Variants in PPP1R37 observed in about 807,000 individuals in gnomAD.
PPP1R37 encodes the protein leucine rich repeat containing 68.
PPP1R37 carries 21 observed loss-of-function variants against 61.0 expected under a neutral mutation model. The ratio of observed to expected loss-of-function variants is 0.34; its 90% CI spans 0.24 to 0.50. The LOEUF (loss-of-function observed/expected upper bound fraction) is 0.50. Among genes scored for constraint, PPP1R37 ranks in the 20% least tolerant of loss-of-function variants. The pLI, the probability that PPP1R37 is intolerant of heterozygous loss-of-function variation, is 0.98. For synonymous variants in PPP1R37, 443 were observed against 433.5 expected (o/e 1.02, Z -0.27); for missense variants, 910 against 952.7 (o/e 0.96, Z 0.59).
intron 1 of PPP1R37, among the ~76,000 whole-genome samples, chr19:45,134,465 TC>T (rs1284941418): frequency 6.6e-6 from 1 of 152,196 alleles, no homozygotes; most frequent in Non-Finnish European, 1.5e-5. Flanking sequence ...CTTTCTTTTT[TC>T]TTATTAATAG....
intron 1 of PPP1R37, among the ~76,000 whole-genome samples, chr19:45,131,406 C>T (rs965380025): frequency 3.0e-4 from 45 of 152,206 alleles, no homozygotes; most frequent in Admixed American, 1.9e-3. Flanking sequence ...ACAAGGGAGC[C>T]GAGAGTTGAG....
At chr19:45,140,413 TG>T in intron 3 of PPP1R37, 92 bp from the exon 4 acceptor site, 1 of 372,892 alleles carries the variant, frequency 2.7e-6, no homozygotes, top group Non-Finnish European at 3.6e-6. Context: ...GGGCTGGGCC[TG>T]GTGGGGGGTG....
chr19:45,094,822 C>T (rs1967971617), intron 1 of PPP1R37, among the ~76,000 whole-genome samples: 1 of 151,958 alleles, frequency 6.6e-6, no homozygotes, highest in Admixed American at 6.6e-5. Flanking sequence ...AAGTTGGCTA[C>T]TTGAAGTGTT....
chr19:45,103,824 G>C (rs1279257281), intron 1 of PPP1R37, among the ~76,000 whole-genome samples: 5 of 147,622 alleles, frequency 3.4e-5, no homozygotes, highest in Non-Finnish European at 7.6e-5. Context: ...TCACAGAGGT[G>C]CCAAGGCCAC....
In PPP1R37 at chr19:45,145,907, C is replaced by T; in HGVS notation, c.1851C>T (p.Ser617=). The T allele has an allele frequency of 6.5e-7, 1 of 1,533,972 alleles. No homozygotes were observed. The highest frequency in any genetic ancestry group is 8.7e-7 in the Non-Finnish European group (1 of 1,146,260). ...CCATTGACACCCGGGACACAGGGTC[C>T]TCTGAGCCTCAGCCACCACCGGAGC... is the stretch of plus-strand genomic sequence containing the variant. ...AGAIDTRDTG[S]SEPQPPPEPP... The change falls in exon 11 of 13, where the codon TCC becomes TCT. Residue 617 remains serine (S), a synonymous_variant. Transcript: ENST00000221462.
At chr19:45,097,220 C>G (rs1264180422) in intron 1 of PPP1R37, among the ~76,000 whole-genome samples, 1 of 151,456 alleles carries the variant, frequency 6.6e-6, no homozygotes, top group Admixed American at 6.6e-5. Context: ...TGGCATCAAT[C>G]TCATAAGCTG....
At position 45,145,979 on chromosome 19, in the gene PPP1R37, C is replaced by G; in HGVS notation, c.1923C>G (p.Phe641Leu). The change falls in exon 11 of 13, where the codon TTC becomes TTG. Residue 641 changes from phenylalanine to leucine, a missense_variant. By Grantham distance (22) the Phe-to-Leu change is conservative. Coordinates refer to ENST00000221462, the MANE Select transcript of PPP1R37 (RefSeq NM_019121.2). The part of the protein sequence containing the change: ...PPLPNGLKPE[F>L]ALALPPEPPP... ...TGCCCAACGGCCTGAAGCCCGAGTTCGCCCTGGCACTGCCCCCTGAGCCGC... is the reference window on the plus strand; with the variant it reads ...TGCCCAACGGCCTGAAGCCCGAGTTGGCCCTGGCACTGCCCCCTGAGCCGC... 6.5e-7 allele frequency: 1 copy of G among 1,534,476 alleles called. No homozygotes were observed. The highest frequency in any genetic ancestry group is 8.7e-7 in the Non-Finnish European group (1 of 1,146,208).
intron 1 of PPP1R37, among the ~76,000 whole-genome samples, chr19:45,127,032 G>T (rs1968414165): frequency 6.6e-6 from 1 of 152,118 alleles, no homozygotes; most frequent in Non-Finnish European, 1.5e-5. Flanking sequence ...TCATGGTCAT[G>T]TGAACATCCT....
At chr19:45,146,237 G>C in intron 11 of PPP1R37, 153 bp from the exon 12 acceptor site, 4 of 888,294 alleles carry the variant, frequency 4.5e-6, no homozygotes, top group Non-Finnish European at 6.6e-6. Flanking sequence ...TCCTGGGGTG[G>C]GGGGGCATGT....
rs183175192 is a variant in PPP1R37, at chr19:45,104,054, A to C, written c.202+10527A>C. On this transcript the variant is annotated intron_variant, in intron 1 of 12. Coordinates refer to ENST00000221462, the MANE Select transcript of PPP1R37 (RefSeq NM_019121.2). ...CGCTAGTCCCCTGCCCTTCCTGACCAATTCCCGTTACCCCTCCCACGCCTA... is the reference window on the plus strand; with the variant it reads ...CGCTAGTCCCCTGCCCTTCCTGACCCATTCCCGTTACCCCTCCCACGCCTA... 4.7e-4 allele frequency among the ~76,000 whole-genome samples: 72 copies of C among 151,718 alleles called. 2 individuals carry two copies. The East Asian group carries it at 0.013, about 27-fold the overall frequency.
chr19:45,100,670 T>A (rs903310180), intron 1 of PPP1R37, among the ~76,000 whole-genome samples: 2 of 152,164 alleles, frequency 1.3e-5, no homozygotes, highest in Non-Finnish European at 2.9e-5. Context: ...CGGTGCAACG[T>A]GCCATACGGT....
At chr19:45,140,709 A>G (rs1968600015) in intron 4 of PPP1R37, 103 bp downstream of exon 4, 1 of 818,164 alleles carries the variant, frequency 1.2e-6, no homozygotes, top group Non-Finnish European at 2.0e-6. Context: ...CCCCTAGACA[A>G]AGGCTGAGGG....
chr19:45,115,261 C>T (rs1298135839), intron 1 of PPP1R37, among the ~76,000 whole-genome samples: 2 of 152,172 alleles, frequency 1.3e-5, no homozygotes, highest in Non-Finnish European at 2.9e-5. Context: ...AGTGGCGAGG[C>T]TGGTGGGTAG....
chr19:45,103,757 C>T (rs1477638307), intron 1 of PPP1R37, among the ~76,000 whole-genome samples: 3 of 152,056 alleles, frequency 2.0e-5, no homozygotes, highest in East Asian at 1.9e-4. Context: ...ATTTATGGAG[C>T]GCTTAACAGG....
chr19:45,104,061 G>A (rs986463524), intron 1 of PPP1R37, among the ~76,000 whole-genome samples: 2 of 150,352 alleles, frequency 1.3e-5, no homozygotes, highest in Non-Finnish European at 3.0e-5. Context: ...ACCAATTCCC[G>A]TTACCCCTCC....
At position 45,142,445 on chromosome 19, in the gene PPP1R37, C is replaced by A; in HGVS notation, c.861C>A (p.His287Gln). The change falls in exon 7 of 13, where the codon CAC becomes CAA. Residue 287 changes from histidine to glutamine, a missense_variant. His to Gln is a conservative substitution (Grantham distance 24, BLOSUM62 0). Transcript: ENST00000221462. ...AGATCCTGGACCTCCGGAACAACCA[C>A]GTGCTAGACTCGGGTGGGTGCAGTG... ...SLQILDLRNN[H>Q]VLDSGLAYIC... is the part of the protein sequence containing the mutation. 2.6e-6 allele frequency: 4 copies of A among 1,536,074 alleles called. No individual in the cohort carries two copies. Among genetic ancestry groups the A allele is most frequent in the Non-Finnish European group, 3.5e-6 (4 of 1,146,892 alleles).
intron 1 of PPP1R37, among the ~76,000 whole-genome samples, chr19:45,096,917 A>C (rs774081256): frequency 2.2e-4 from 34 of 152,024 alleles, no homozygotes; most frequent in Non-Finnish European, 2.9e-4. Context: ...GGGCCTGGGC[A>C]GGGGAGGGGT....
rs550943934 is a variant in PPP1R37 at position 45,093,454 on chromosome 19, C to T, written c.129C>T (p.Ala43=). The part of the protein sequence containing the change: ...PPADGRLKAA[A]KRVTFPSDED... ...CCGATGGGCGCCTCAAGGCTGCAGC[C>T]AAGCGCGTCACATTCCCGTCCGACG... is the stretch of plus-strand genomic sequence containing the variant. The change falls in exon 1 of 13, where the codon GCC becomes GCT. Residue 43 remains alanine, a synonymous_variant. Coordinates refer to ENST00000221462, the MANE Select transcript of PPP1R37 (RefSeq NM_019121.2). 279 of 1,535,532 alleles carry T rather than the reference C, an allele frequency of 1.8e-4. 1 individual carries two copies. The Admixed American group carries it at 3.1e-3, about 17-fold the overall frequency.
intron 1 of PPP1R37, among the ~76,000 whole-genome samples, chr19:45,108,268 G>A (rs1489642993): frequency 1.3e-5 from 2 of 152,140 alleles, no homozygotes; most frequent in Non-Finnish European, 2.9e-5. Context: ...GGAGTGCAGT[G>A]GCGTGATCTT....
Sources: allele counts gnomAD v4.1 joint callset (sites outside exome capture counted in the v4.1 genomes callset), GRCh38; gene constraint gnomAD v4.1.1; transcripts MANE v1.5; gene names NCBI Gene and HGNC (gene_info 2026-07-23, HGNC 2026-07-21).